SPIDR: variants seen among roughly 807,000 people sequenced by gnomAD.
SPIDR encodes the protein DNA repair-scaffolding protein.
In SPIDR, 93 loss-of-function variants were observed where a neutral mutation model predicts 104.6. The ratio of observed to expected loss-of-function variants is 0.89; its 90% CI spans 0.75 to 1.06. The LOEUF is 1.06. Among genes scored for constraint, SPIDR ranks in the 50% least tolerant of loss-of-function variants. SPIDR has a pLI of 0.00. For missense variants in SPIDR, 1,154 were observed against 1,111.2 expected (o/e 1.04, Z -0.55); for synonymous variants, 431 against 416.9 (o/e 1.03, Z -0.41).
At chr8:47,442,536 G>A (rs960207391) in intron 8 of SPIDR, among the ~76,000 whole-genome samples, 1 of 152,084 alleles carries the variant, frequency 6.6e-6, no homozygotes. Context: ...CCGTGTTCAT[G>A]GAGTGCACAG....
intron 8 of SPIDR, among the ~76,000 whole-genome samples, chr8:47,534,092 G>C (rs1242692232): frequency 6.6e-6 from 1 of 152,298 alleles, no homozygotes; most frequent in South Asian, 2.1e-4. Context: ...TGAGTGACTG[G>C]TATTTCCCCT....
chr8:47,274,640 C>T (rs911345417), intron 1 of SPIDR, among the ~76,000 whole-genome samples: 4 of 151,136 alleles, frequency 2.6e-5, no homozygotes, highest in South Asian at 4.2e-4. Flanking sequence ...TCCAGTTGCG[C>T]GATTTTGGCT....
intron 8 of SPIDR, among the ~76,000 whole-genome samples, chr8:47,455,628 A>G (rs1283053628): frequency 6.6e-6 from 1 of 152,174 alleles, no homozygotes; most frequent in Non-Finnish European, 1.5e-5. Flanking sequence ...CATCTACAAG[A>G]GAATCAAATT....
chr8:47,722,399 T>C (rs936573143), intron 16 of SPIDR, among the ~76,000 whole-genome samples: 1 of 152,202 alleles, frequency 6.6e-6, no homozygotes, highest in Admixed American at 6.5e-5. Context: ...ATCAGTACCA[T>C]GTAGAATAGC....
intron 7 of SPIDR, among the ~76,000 whole-genome samples, chr8:47,416,342 TGTTGTGTATGTCAA>T (rs1554675348): frequency 6.6e-6 from 1 of 152,206 alleles, no homozygotes; most frequent in Non-Finnish European, 1.5e-5. Context: ...TTATCCAAGT[TGTTGTGTATGTCAA>T]TAACCCACTC....
intron 10 of SPIDR, among the ~76,000 whole-genome samples, chr8:47,638,442 C>T (rs1430051643): frequency 6.6e-6 from 1 of 152,132 alleles, no homozygotes; most frequent in Non-Finnish European, 1.5e-5. Context: ...CCATACCCGG[C>T]CCAAATGCAT....
intron 7 of SPIDR, among the ~76,000 whole-genome samples, chr8:47,410,327 C>T (rs2063333725): frequency 6.6e-6 from 1 of 151,722 alleles, no homozygotes; most frequent in East Asian, 1.9e-4. Flanking sequence ...ACTATAGGTG[C>T]CTGCCATCAC....
At chr8:47,479,324 A>G (rs1223079302) in intron 8 of SPIDR, among the ~76,000 whole-genome samples, 1 of 150,956 alleles carries the variant, frequency 6.6e-6, no homozygotes. Flanking sequence ...GCACCAGTGC[A>G]CTCCAGCCTG....
At chr8:47,438,815 T>C (rs1554694244) in intron 7 of SPIDR, among the ~76,000 whole-genome samples, 2 of 152,118 alleles carry the variant, frequency 1.3e-5, no homozygotes, top group Non-Finnish European at 2.9e-5. Flanking sequence ...TGGACATGTG[T>C]CATGGACACC....
In SPIDR at chr8:47,558,409, C is replaced by CT. The variant is rs1182584552; in HGVS notation, c.1098-37398dup. The stretch of plus-strand genomic sequence containing the variant: ...CTAATGTATTTTTTTAAACAGAGCT[C>CT]TTTTCTTGAGCTTTGATAGGAATAT... On this transcript the variant is annotated intron_variant, in intron 8 of 19. Transcript: ENST00000297423. Among the ~76,000 whole-genome samples the CT allele has an allele frequency of 2.0e-5, 3 of 152,118 alleles. No homozygotes were observed. The East Asian group carries it at 5.8e-4, about 29-fold the overall frequency.
chr8:47,347,474 A>G lies in SPIDR; in HGVS notation c.526-48902A>G, dbSNP rs532508543. Among the ~76,000 whole-genome samples, 28 of 152,338 alleles carry G rather than the reference A, an allele frequency of 1.8e-4. No individual in the cohort carries two copies. In the East Asian group the frequency reaches 5.4e-3, roughly 29 times the overall value. ...GATGTCTATTAGGTCCACTAGGTGC[A>G]GAGCTGAGTTCAATTCCTGGATATC... On this transcript the variant is annotated intron_variant, in intron 5 of 19. Coordinates refer to ENST00000297423, the MANE Select transcript of SPIDR (RefSeq NM_001080394.4).
In SPIDR at chr8:47,396,354, CTTTCT is replaced by C. The variant is rs782692919; in HGVS notation, c.526-18_526-14del. 2.6e-6 allele frequency: 4 copies of C among 1,545,700 alleles called. No individual in the cohort carries two copies. Among genetic ancestry groups the C allele is most frequent in the Non-Finnish European group, 3.6e-6 (4 of 1,124,120 alleles). On this transcript the variant is annotated splice_polypyrimidine_tract_variant and intron_variant, in intron 5 of 19. Transcript: ENST00000297423. ...GTATCCTTTGTATTTAAAAATATGC[CTTTCT>C]TTTAATTTTTTTTCAGCCAAGTTCT...
chr8:47,436,540 A>C (rs1295645656), intron 7 of SPIDR, among the ~76,000 whole-genome samples: 4 of 152,110 alleles, frequency 2.6e-5, no homozygotes, highest in Non-Finnish European at 5.9e-5. Flanking sequence ...TGGGCAATAA[A>C]GTGAGACCCT....
intron 10 of SPIDR, among the ~76,000 whole-genome samples, chr8:47,612,880 T>A (rs1346311055): frequency 6.6e-6 from 1 of 152,258 alleles, no homozygotes; most frequent in East Asian, 1.9e-4. Flanking sequence ...AAGAAGAGAC[T>A]GTTTCCAGTC....
chr8:47,601,803 C>T (rs1011731859), intron 10 of SPIDR, among the ~76,000 whole-genome samples: 3 of 152,160 alleles, frequency 2.0e-5, no homozygotes, highest in Non-Finnish European at 4.4e-5. Flanking sequence ...CCTGGGGAGA[C>T]TTGGTTGGAC....
intron 7 of SPIDR, among the ~76,000 whole-genome samples, chr8:47,413,919 G>C (rs1280881191): frequency 1.3e-5 from 2 of 152,180 alleles, no homozygotes; most frequent in Admixed American, 1.3e-4. Context: ...ACCTTCATTA[G>C]TTACTCTGTT....
chr8:47,582,220 CAA>C (rs5891245), intron 8 of SPIDR, among the ~76,000 whole-genome samples: 1 of 142,712 alleles, frequency 7.0e-6, no homozygotes. Flanking sequence ...GACTCCATCT[CAA>C]AAAAAAAAAA....
At chr8:47,564,835 A>C (rs1033326450) in intron 8 of SPIDR, among the ~76,000 whole-genome samples, 1 of 152,224 alleles carries the variant, frequency 6.6e-6, no homozygotes, top group Non-Finnish European at 1.5e-5. Context: ...TAAACCTACT[A>C]AAAATATTTC....
intron 10 of SPIDR, among the ~76,000 whole-genome samples, chr8:47,629,646 A>AG (rs1339853518): frequency 6.6e-6 from 1 of 152,198 alleles, no homozygotes; most frequent in Non-Finnish European, 1.5e-5. Context: ...CCAGCTACTC[A>AG]GGAGGCTGAA....
Sources: allele counts gnomAD v4.1 joint callset (sites outside exome capture counted in the v4.1 genomes callset), GRCh38; gene constraint gnomAD v4.1.1; transcripts MANE v1.5; gene names NCBI Gene and HGNC (gene_info 2026-07-23, HGNC 2026-07-21).